Variants in ME3 observed in about 807,000 individuals in gnomAD.
ME3 encodes malic enzyme 3, also known as NADP-dependent malic enzyme, mitochondrial.
Under a neutral mutation model 68.9 loss-of-function variants are expected in ME3, and 48 were observed. That is an observed-to-expected ratio of 0.70 (90% CI 0.55 to 0.89). The LOEUF (loss-of-function observed/expected upper bound fraction) is 0.89. Ranked by LOEUF, ME3 falls within the 40% of genes least tolerant of loss-of-function variation. The pLI, the probability that ME3 is intolerant of heterozygous loss-of-function variation, is 0.00. For missense variants in ME3, 675 were observed against 797.4 expected, an observed-to-expected ratio of 0.85 and a Z score of 1.85; for synonymous variants, 320 against 318.8, an observed-to-expected ratio of 1.00 and a Z score of -0.04.
At chr11:86,640,264 C>A (rs1944585179) in intron 2 of ME3, among the ~76,000 whole-genome samples, 1 of 152,172 alleles carries the variant, frequency 6.6e-6, no homozygotes, top group Admixed American at 6.5e-5. Context: ...TGGTGAAGAT[C>A]CACAGAACAC....
chr11:86,620,143 C>T (rs541909776), intron 2 of ME3, among the ~76,000 whole-genome samples: 17 of 152,302 alleles, frequency 1.1e-4, no homozygotes, highest in South Asian at 2.1e-4. Context: ...GTGCCTGGCA[C>T]GTACTAGATG....
At chr11:86,461,873 G>A (rs1424492409) in intron 8 of ME3, among the ~76,000 whole-genome samples, 1 of 152,204 alleles carries the variant, frequency 6.6e-6, no homozygotes, top group Non-Finnish European at 1.5e-5. Context: ...TTTGCCAGCT[G>A]TCCTCATGAG....
intron 5 of ME3, among the ~76,000 whole-genome samples, chr11:86,505,660 C>T (rs1953022635): frequency 6.6e-6 from 1 of 152,180 alleles, no homozygotes; most frequent in Non-Finnish European, 1.5e-5. Flanking sequence ...TTCAAGTGCC[C>T]TTCGATGTGT....
chr11:86,453,627 T>A (rs902971935), intron 8 of ME3, among the ~76,000 whole-genome samples: 5 of 152,236 alleles, frequency 3.3e-5, no homozygotes, highest in African/African-American at 1.2e-4. Context: ...AAGATTTTTT[T>A]AAGTATAAGT....
chr11:86,471,141 CTTTTTTTTT>C (rs1163128094), intron 7 of ME3, among the ~76,000 whole-genome samples: 1 of 75,044 alleles, frequency 1.3e-5, no homozygotes, highest in African/African-American at 6.3e-5. Flanking sequence ...AGGCCCAGAG[CTTTTTTTTT>C]TTTTTTTTTT....
chr11:86,482,520 T>C lies in ME3; in HGVS notation c.809+4817A>G, dbSNP rs116898919. On this transcript the variant is annotated intron_variant, in intron 7 of 14. Coordinates refer to ENST00000543262, the Ensembl canonical transcript of ME3. ...GATAGGGTGTGGCAGTCTCTGACAT[T>C]GGTGGCCCCCAATGCACCATACCTC... Among the ~76,000 whole-genome samples, 966 of 151,578 alleles carry C rather than the reference T, an allele frequency of 6.4e-3. 3 individuals are homozygous for C. Among genetic ancestry groups the C allele is most frequent in the Non-Finnish European group, 9.5e-3 (645 of 67,902 alleles).
At chr11:86,584,722 A>T (rs1049115290) in intron 2 of ME3, among the ~76,000 whole-genome samples, 18 of 152,240 alleles carry the variant, frequency 1.2e-4, no homozygotes, top group Admixed American at 1.2e-3. Flanking sequence ...GATTCCACTT[A>T]CATGAGGTAT....
intron 2 of ME3, among the ~76,000 whole-genome samples, chr11:86,640,209 G>A (rs946048319): frequency 6.6e-6 from 1 of 152,164 alleles, no homozygotes; most frequent in African/African-American, 2.4e-5. Flanking sequence ...CTCCTGCAAG[G>A]CCATCTTCTG....
chr11:86,639,443 C>T (rs1353942033), intron 2 of ME3, among the ~76,000 whole-genome samples: 1 of 152,072 alleles, frequency 6.6e-6, no homozygotes. Context: ...ACATCTCCCC[C>T]ACACATTGCC....
chr11:86,524,651 A>G (rs1954591233), intron 4 of ME3, among the ~76,000 whole-genome samples: 1 of 152,222 alleles, frequency 6.6e-6, no homozygotes, highest in African/African-American at 2.4e-5. Flanking sequence ...CCAGATAAAC[A>G]TTTCTGGAGC....
chr11:86,454,546 A>G (rs1041881340), intron 8 of ME3, among the ~76,000 whole-genome samples: 1 of 152,246 alleles, frequency 6.6e-6, no homozygotes, highest in African/African-American at 2.4e-5. Flanking sequence ...ATATTGTTCC[A>G]AGTACTTTAT....
intron 4 of ME3, among the ~76,000 whole-genome samples, chr11:86,546,825 C>T (rs1594389967): frequency 6.6e-6 from 1 of 152,292 alleles, no homozygotes; most frequent in East Asian, 1.9e-4. Context: ...GGTATATACC[C>T]AAAGGATTAT....
chr11:86,522,715 CTTTTT>C (rs1357465201), intron 4 of ME3, among the ~76,000 whole-genome samples: 1 of 152,074 alleles, frequency 6.6e-6, no homozygotes, highest in Non-Finnish European at 1.5e-5. Flanking sequence ...CAATCTCATT[CTTTTT>C]TATGGCTGCA....
rs1227404145 is a variant in ME3, at chr11:86,655,638, A to C, written c.183+16124T>G. On this transcript the variant is annotated intron_variant, in intron 2 of 14. Coordinates refer to ENST00000543262, the Ensembl canonical transcript of ME3. ...ACTTAAACGTTAGACCTAAAACCATAAAAACCCTAGAAGAAAACCTAGGCA... is the reference window on the plus strand; with the variant it reads ...ACTTAAACGTTAGACCTAAAACCATCAAAACCCTAGAAGAAAACCTAGGCA... 2.0e-5 allele frequency among the ~76,000 whole-genome samples: 3 copies of C among 152,000 alleles called. 1 individual carries two copies. The highest frequency in any genetic ancestry group is 4.4e-5 in the Non-Finnish European group (3 of 67,900).
At chr11:86,660,809 A>G (rs567771992) in intron 2 of ME3, among the ~76,000 whole-genome samples, 1 of 152,300 alleles carries the variant, frequency 6.6e-6, no homozygotes, top group East Asian at 1.9e-4. Flanking sequence ...GAGGAAGTGC[A>G]CCTGGCACAA....
intron 8 of ME3, among the ~76,000 whole-genome samples, chr11:86,464,373 CT>C (rs1292978524): frequency 1.3e-5 from 2 of 152,216 alleles, no homozygotes. Context: ...GCTTTGGACA[CT>C]GGTAACTCCA....
intron 2 of ME3, among the ~76,000 whole-genome samples, chr11:86,589,150 C>G (rs146047139): frequency 1.6e-3 from 245 of 152,266 alleles, no homozygotes; most frequent in African/African-American, 5.6e-3. Flanking sequence ...ACTGCCCTTT[C>G]CTTTCTTGGT....
chr11:86,545,891 T>G (rs947128760), intron 4 of ME3, among the ~76,000 whole-genome samples: 2 of 152,178 alleles, frequency 1.3e-5, no homozygotes, highest in African/African-American at 4.8e-5. Flanking sequence ...GCTGGAGGCA[T>G]CATGCTACCT....
chr11:86,642,647 G>A (rs1308968347), intron 2 of ME3, among the ~76,000 whole-genome samples: 1 of 152,138 alleles, frequency 6.6e-6, no homozygotes, highest in Non-Finnish European at 1.5e-5. Context: ...AGGCTGCAGT[G>A]AGTCACGATC....
Sources: allele counts gnomAD v4.1 joint callset (sites outside exome capture counted in the v4.1 genomes callset), GRCh38; gene constraint gnomAD v4.1.1; transcripts MANE v1.5; gene names NCBI Gene and HGNC (gene_info 2026-07-23, HGNC 2026-07-21).